MARCHF1: variants seen among roughly 807,000 people sequenced by gnomAD.
The protein encoded by MARCHF1 is E3 ubiquitin-protein ligase MARCHF1.
MARCHF1 carries 40 observed loss-of-function variants against 54.2 expected under a neutral mutation model. The observed-to-expected ratio is 0.74, with a 90% CI of 0.57 to 0.96. The LOEUF (loss-of-function observed/expected upper bound fraction) is 0.96, where lower values mean the gene tolerates loss of function less well. Ranked by LOEUF, MARCHF1 falls within the 40% of genes least tolerant of loss-of-function variation. The pLI, the probability that MARCHF1 is intolerant of heterozygous loss-of-function variation, is 0.00. For missense variants in MARCHF1, 586 were observed against 656.5 expected (o/e 0.89, Z 1.17); for synonymous variants, 236 against 236.3 (o/e 1.00, Z 0.01).
intron 2 of MARCHF1, among the ~76,000 whole-genome samples, chr4:164,041,953 A>T (rs1223138849): frequency 1.3e-5 from 2 of 152,172 alleles, no homozygotes; most frequent in East Asian, 3.9e-4. Flanking sequence ...TGATCAATCC[A>T]GGCTTGGAAA....
At chr4:163,900,846 C>T (rs1336773584) in intron 3 of MARCHF1, among the ~76,000 whole-genome samples, 4 of 152,072 alleles carry the variant, frequency 2.6e-5, no homozygotes, top group Non-Finnish European at 5.9e-5. Flanking sequence ...ATATAATAAA[C>T]ATGTATATTA....
chr4:164,379,575 A>G (rs1451031996), intron 1 of MARCHF1, among the ~76,000 whole-genome samples: 1 of 152,224 alleles, frequency 6.6e-6, no homozygotes, highest in African/African-American at 2.4e-5. Context: ...AATATATAGA[A>G]AACTAAAGAA....
chr4:163,684,848 C>T (rs1024233189), intron 5 of MARCHF1, among the ~76,000 whole-genome samples: 35 of 152,186 alleles, frequency 2.3e-4, no homozygotes, highest in African/African-American at 8.2e-4. Flanking sequence ...CCAACATCCA[C>T]ATTTCTGAAA....
chr4:163,597,024 C>T (rs1487241832), intron 7 of MARCHF1, among the ~76,000 whole-genome samples: 3 of 152,078 alleles, frequency 2.0e-5, no homozygotes, highest in Non-Finnish European at 4.4e-5. Flanking sequence ...GGTGCAATCT[C>T]GGCTCACTGC....
intron 1 of MARCHF1, among the ~76,000 whole-genome samples, chr4:164,292,911 ATCT>A (rs1288321450): frequency 1.3e-5 from 2 of 152,006 alleles, no homozygotes; most frequent in African/African-American, 4.8e-5. Context: ...CCTCCCTAAA[ATCT>A]TCTACTAATG....
intron 1 of MARCHF1, among the ~76,000 whole-genome samples, chr4:164,325,182 T>A (rs1735240978): frequency 6.6e-6 from 1 of 151,684 alleles, no homozygotes; most frequent in South Asian, 2.1e-4. Context: ...TAATCAAAGA[T>A]ACAGGTAATA....
chr4:164,002,867 C>T (rs1185408758), intron 2 of MARCHF1, among the ~76,000 whole-genome samples: 2 of 151,850 alleles, frequency 1.3e-5, no homozygotes, highest in African/African-American at 2.4e-5. Context: ...ATCCTACCAA[C>T]TTATCTTTAG....
chr4:163,977,665 A>C (rs1752676239), intron 3 of MARCHF1, among the ~76,000 whole-genome samples: 1 of 152,200 alleles, frequency 6.6e-6, no homozygotes, highest in Non-Finnish European at 1.5e-5. Context: ...TGTTGTTAGT[A>C]CAACAATTTA....
chr4:164,244,848 G>C (rs1732890563), intron 1 of MARCHF1, among the ~76,000 whole-genome samples: 1 of 151,910 alleles, frequency 6.6e-6, no homozygotes, highest in South Asian at 2.1e-4. Flanking sequence ...AAATAAACTA[G>C]AAAATCTAGA....
At chr4:164,046,529 C>A (rs1020004254) in intron 2 of MARCHF1, among the ~76,000 whole-genome samples, 4 of 152,136 alleles carry the variant, frequency 2.6e-5, no homozygotes, top group Non-Finnish European at 5.9e-5. Context: ...ATGTAATAAT[C>A]ATCTGTTTTA....
At chr4:164,382,942 C>T (rs1731418155) in intron 1 of MARCHF1, among the ~76,000 whole-genome samples, 1 of 152,172 alleles carries the variant, frequency 6.6e-6, no homozygotes, top group African/African-American at 2.4e-5. Context: ...ATAAGAATTG[C>T]CAGGAAAACG....
At chr4:164,307,954 C>T (rs1003145384) in intron 1 of MARCHF1, among the ~76,000 whole-genome samples, 1 of 152,160 alleles carries the variant, frequency 6.6e-6, no homozygotes, top group African/African-American at 2.4e-5. Flanking sequence ...TCTTCATTCA[C>T]ATGATTTACC....
At chr4:164,259,042 G>A (rs573632325) in intron 1 of MARCHF1, among the ~76,000 whole-genome samples, 10 of 152,096 alleles carry the variant, frequency 6.6e-5, no homozygotes, top group Admixed American at 5.9e-4. Flanking sequence ...TTTTATTATA[G>A]GCATGATGTT....
chr4:164,034,331 G>T (rs111302296), intron 2 of MARCHF1, among the ~76,000 whole-genome samples: 33 of 152,162 alleles, frequency 2.2e-4, no homozygotes, highest in African/African-American at 7.7e-4. Flanking sequence ...GGGTCAGTTG[G>T]CAAGGCCTCT....
chr4:164,381,641 G>A (rs1731372897), intron 1 of MARCHF1, among the ~76,000 whole-genome samples: 3 of 152,142 alleles, frequency 2.0e-5, no homozygotes, highest in South Asian at 4.1e-4. Flanking sequence ...TCTGATCAGA[G>A]TTATACACAT....
Position 164,105,827 on chromosome 4 carries a change from T to C in MARCHF1, c.-248+5761A>G, listed in dbSNP as rs1209372028. Among the ~76,000 whole-genome samples the C allele has an allele frequency of 1.2e-4, 17 of 138,808 alleles. 1 individual carries two copies. Among genetic ancestry groups the C allele is most frequent in the East Asian group, 5.9e-4 (3 of 5,072 alleles). 91.1% of individuals were successfully genotyped at this position (138,808 alleles called of 152,430 possible). A position where few individuals can be genotyped will look rare whatever the true frequency, so the allele number is the denominator to read the frequency against. On this transcript the variant is annotated intron_variant, in intron 2 of 9. Coordinates refer to ENST00000514618, the MANE Select transcript of MARCHF1 (RefSeq NM_001394959.1). ...AGAAACTACCATCAGAGTGAACAGG[T>C]AACCTACAATATGGGAGAAAATTTT...
At chr4:163,875,228 A>T (rs924513525) in intron 3 of MARCHF1, among the ~76,000 whole-genome samples, 1 of 152,074 alleles carries the variant, frequency 6.6e-6, no homozygotes, top group Non-Finnish European at 1.5e-5. Flanking sequence ...GAAAAAAAAA[A>T]TTCCCCAATT....
In MARCHF1 at chr4:164,271,849, T is replaced by C. The variant is rs192557258; in HGVS notation, c.-323+112021A>G. Among the ~76,000 whole-genome samples the C allele has an allele frequency of 8.8e-3, 1,333 of 152,246 alleles. 13 individuals carry two copies. The highest frequency in any genetic ancestry group is 0.015 in the Non-Finnish European group (990 of 68,002). On this transcript the variant is annotated intron_variant, in intron 1 of 9. Transcript: ENST00000514618. The stretch of plus-strand genomic sequence containing the variant: ...ATATAAAGCTTCTCTATTTGGATGA[T>C]ATCATAAGGTGACAAATCATAAACT...
At chr4:163,954,855 C>A (rs1221472092) in intron 3 of MARCHF1, among the ~76,000 whole-genome samples, 2 of 152,130 alleles carry the variant, frequency 1.3e-5, no homozygotes, top group Non-Finnish European at 2.9e-5. Context: ...TTGCCCCTTG[C>A]ACCTTGTATA....
Sources: gnomAD v4.1 joint callset for allele counts (sites outside exome capture counted in the v4.1 genomes callset) on GRCh38, gnomAD v4.1.1 for gene constraint, MANE v1.5 for transcripts, NCBI Gene and HGNC (gene_info 2026-07-23, HGNC 2026-07-21) for gene names.